Variants in HDAC9 observed in about 807,000 individuals in gnomAD.
HDAC9 encodes the protein histone deacetylase 9.
Under a neutral mutation model 139.4 loss-of-function variants are expected in HDAC9, and 41 were observed. That is an observed-to-expected ratio of 0.29 (90% confidence interval 0.23 to 0.38). HDAC9 has a LOEUF of 0.38. Among genes scored for constraint, HDAC9 ranks in the 10% least tolerant of loss-of-function variants. The pLI is 1.00. For missense variants in HDAC9, 1,147 were observed against 1,297.0 expected, an observed-to-expected ratio of 0.88 and a Z score of 1.78; for synonymous variants, 517 against 476.2, an observed-to-expected ratio of 1.09 and a Z score of -1.12.
chr7:18,947,287 A>G (rs1782471300), intron 23 of HDAC9, among the ~76,000 whole-genome samples: 1 of 151,986 alleles, frequency 6.6e-6, no homozygotes, highest in African/African-American at 2.4e-5. Flanking sequence ...GAAAACAAGC[A>G]TATATGTAAG....
intron 2 of HDAC9, among the ~76,000 whole-genome samples, chr7:18,183,064 C>A (rs909564078): frequency 1.3e-5 from 2 of 150,420 alleles, no homozygotes; most frequent in Non-Finnish European, 2.9e-5. Context: ...TGCTGGAGTG[C>A]AGTGGCGCAA....
chr7:18,945,839 C>T (rs765614100), intron 23 of HDAC9, among the ~76,000 whole-genome samples: 5 of 151,676 alleles, frequency 3.3e-5, no homozygotes, highest in East Asian at 3.9e-4. Context: ...AAGTTTGAGA[C>T]CATCCTAACC....
At chr7:18,287,863 C>G (rs889279442), upstream of HDAC9, among the ~76,000 whole-genome samples, 1 of 152,186 alleles carries the variant, frequency 6.6e-6, no homozygotes, top group African/African-American at 2.4e-5. Context: ...GACTGCAGTC[C>G]TGTTATGTGA....
At chr7:18,786,898 T>A (rs1339024038) in intron 16 of HDAC9, among the ~76,000 whole-genome samples, 4 of 150,556 alleles carry the variant, frequency 2.7e-5, no homozygotes, top group Non-Finnish European at 5.9e-5. Flanking sequence ...TGGCCCCTGC[T>A]GATGCACATT....
chr7:18,305,279 A>G (rs956499893), intron 1 of HDAC9, among the ~76,000 whole-genome samples: 4 of 152,152 alleles, frequency 2.6e-5, no homozygotes, highest in African/African-American at 4.8e-5. Flanking sequence ...CCCTCCACCA[A>G]CCAGTGCATG....
intron 16 of HDAC9, among the ~76,000 whole-genome samples, chr7:18,776,020 C>T (rs543680761): frequency 6.6e-6 from 1 of 152,172 alleles, no homozygotes; most frequent in South Asian, 2.1e-4. Flanking sequence ...AAGCCTCAAC[C>T]TCCTGGGCTC....
At chr7:18,190,276 T>C (rs189648901) in intron 2 of HDAC9, among the ~76,000 whole-genome samples, 1 of 152,278 alleles carries the variant, frequency 6.6e-6, no homozygotes, top group Non-Finnish European at 1.5e-5. Flanking sequence ...TATGTGATTG[T>C]CCAATTTTGG....
intron 1 of HDAC9, among the ~76,000 whole-genome samples, chr7:18,127,692 ACTCTAGAGGC>A (rs1461405091): frequency 1.3e-5 from 2 of 152,124 alleles, no homozygotes; most frequent in Non-Finnish European, 2.9e-5. Context: ...ATGCAGGGTA[ACTCTAGAGGC>A]CAAAATTTTT....
At chr7:18,150,994 A>G (rs996916853) in intron 1 of HDAC9, among the ~76,000 whole-genome samples, 4 of 152,354 alleles carry the variant, frequency 2.6e-5, no homozygotes, top group South Asian at 4.1e-4. Flanking sequence ...AAGGGCTGCT[A>G]CAGATGTTGG....
At chr7:18,614,335 G>C (rs368975538) in intron 6 of HDAC9, among the ~76,000 whole-genome samples, 6 of 152,218 alleles carry the variant, frequency 3.9e-5, no homozygotes, top group East Asian at 1.9e-4. Flanking sequence ...GAGTTTCTCA[G>C]TTCTGCCAAT....
intron 1 of HDAC9, among the ~76,000 whole-genome samples, chr7:18,329,207 TAA>T (rs2128645115): frequency 1.3e-5 from 2 of 151,928 alleles, no homozygotes; most frequent in South Asian, 4.1e-4. Context: ...TTAGTGTAGC[TAA>T]AGTTTTGTTC....
chr7:18,960,113 G>GA (rs1196516847), intron 24 of HDAC9, among the ~76,000 whole-genome samples: 3 of 151,912 alleles, frequency 2.0e-5, no homozygotes, highest in Admixed American at 2.0e-4. Flanking sequence ...AGGACAATTT[G>GA]AAAATGGACA....
chr7:18,877,072 A>C (rs1799374317), intron 22 of HDAC9, among the ~76,000 whole-genome samples: 1 of 152,152 alleles, frequency 6.6e-6, no homozygotes, highest in African/African-American at 2.4e-5. Flanking sequence ...CCCCAAACTT[A>C]GTCTATGACA....
chr7:18,670,637 TCTAG>T (rs1162382278), intron 12 of HDAC9, among the ~76,000 whole-genome samples: 1 of 151,924 alleles, frequency 6.6e-6, no homozygotes, highest in African/African-American at 2.4e-5. Flanking sequence ...ATTTAGGAGG[TCTAG>T]CTTTAATTTG....
At chr7:18,673,001 A>G (rs1405366379) in intron 12 of HDAC9, among the ~76,000 whole-genome samples, 2 of 152,042 alleles carry the variant, frequency 1.3e-5, no homozygotes, top group African/African-American at 4.8e-5. Flanking sequence ...AAATGTTACA[A>G]TCTTGATGTT....
chr7:18,529,841 C>T (rs1483658961), intron 2 of HDAC9, among the ~76,000 whole-genome samples: 1 of 152,058 alleles, frequency 6.6e-6, no homozygotes, highest in African/African-American at 2.4e-5. Flanking sequence ...CATGATTTTC[C>T]ATGACATTCA....
At chr7:18,753,097 G>GATACA (rs1788586354) in intron 14 of HDAC9, among the ~76,000 whole-genome samples, 1 of 152,028 alleles carries the variant, frequency 6.6e-6, no homozygotes, top group African/African-American at 2.4e-5. Context: ...AGGAGTAGAA[G>GATACA]ATACAATACC....
At chr7:18,967,194 C>T (rs950277018) in intron 24 of HDAC9, among the ~76,000 whole-genome samples, 1 of 152,084 alleles carries the variant, frequency 6.6e-6, no homozygotes, top group Non-Finnish European at 1.5e-5. Context: ...CCAAAAGGAA[C>T]AATTTAAGAA....
At chr7:18,836,187 G>T (rs372848677) in intron 21 of HDAC9, among the ~76,000 whole-genome samples, 190 bp downstream of exon 21, 36 of 152,124 alleles carry the variant, frequency 2.4e-4, no homozygotes, top group African/African-American at 7.7e-4. Context: ...TTGGCCAATG[G>T]CCCATTTTCC....
Sources: allele counts gnomAD v4.1 joint callset (sites outside exome capture counted in the v4.1 genomes callset), GRCh38; gene constraint gnomAD v4.1.1; transcripts MANE v1.5; gene names NCBI Gene and HGNC (gene_info 2026-07-23, HGNC 2026-07-21).